ROBO1: variants seen among roughly 807,000 people sequenced by gnomAD.
The protein encoded by ROBO1 is roundabout homolog 1.
A neutral mutation model predicts 195.9 loss-of-function variants in ROBO1; 149 were observed. That is an observed-to-expected ratio of 0.76 (90% CI 0.67 to 0.87). The LOEUF is 0.87. Among genes scored for constraint, ROBO1 ranks in the 40% least tolerant of loss-of-function variants. The pLI is 0.00. For synonymous variants in ROBO1, 816 were observed against 733.2 expected, an observed-to-expected ratio of 1.11 and a Z score of -1.82; for missense variants, 1,933 against 2,068.3, an observed-to-expected ratio of 0.93 and a Z score of 1.27.
At chr3:79,376,063 G>A (rs188809416) in intron 2 of ROBO1, among the ~76,000 whole-genome samples, 1 of 152,090 alleles carries the variant, frequency 6.6e-6, no homozygotes, top group Admixed American at 6.5e-5. Context: ...ACCTAACTAA[G>A]CTTAAATAAC....
chr3:79,123,646 T>A (rs1227739377), intron 3 of ROBO1, among the ~76,000 whole-genome samples: 1 of 151,994 alleles, frequency 6.6e-6, no homozygotes, highest in Non-Finnish European at 1.5e-5. Context: ...ACTAGGTTGT[T>A]AAAGACAGTT....
At chr3:79,685,949 T>C (rs907094796) in intron 1 of ROBO1, among the ~76,000 whole-genome samples, 1 of 152,186 alleles carries the variant, frequency 6.6e-6, no homozygotes, top group African/African-American at 2.4e-5. Flanking sequence ...ATATCCTTGA[T>C]GAAAGCCAAT....
chr3:79,501,722 T>C (rs1047553462), intron 2 of ROBO1, among the ~76,000 whole-genome samples: 2 of 152,188 alleles, frequency 1.3e-5, no homozygotes, highest in African/African-American at 4.8e-5. Context: ...ATCTTCGTAA[T>C]CCCATGATTA....
intron 2 of ROBO1, among the ~76,000 whole-genome samples, chr3:79,127,121 G>A (rs1312796169): frequency 6.6e-6 from 1 of 151,972 alleles, no homozygotes; most frequent in African/African-American, 2.4e-5. Flanking sequence ...CCTTAAAATA[G>A]ATGCTGCAAG....
At chr3:79,077,132 T>G (rs987574706) in intron 3 of ROBO1, among the ~76,000 whole-genome samples, 1 of 151,880 alleles carries the variant, frequency 6.6e-6, no homozygotes, top group Non-Finnish European at 1.5e-5. Context: ...ACGTGAGATA[T>G]CCAGAACTTG....
chr3:79,552,260 A>G (rs908263081), intron 2 of ROBO1, among the ~76,000 whole-genome samples: 10 of 152,062 alleles, frequency 6.6e-5, no homozygotes, highest in Non-Finnish European at 7.4e-5. Context: ...CATTCTGAAT[A>G]TTAACATATT....
At position 78,639,640 on chromosome 3, in the gene ROBO1, C is replaced by T. The variant is rs73850744; in HGVS notation, c.3037+104G>A. 3,691 of 1,135,544 alleles carry T rather than the reference C, an allele frequency of 3.3e-3. 61 individuals carry two copies. In the African/African-American group the frequency reaches 0.043, roughly 13 times the overall value. The allele number at this position is 1,135,544 out of a possible 1,614,324, so 70.3% of individuals were successfully genotyped here. A position where few individuals can be genotyped will look rare whatever the true frequency, so the allele number is the denominator to read the frequency against. The stretch of plus-strand genomic sequence containing the variant: ...ACAATAGTCAGCATTGGATAAAATA[C>T]GGGTCAAATTTTATCTTTCCCATGT... On this transcript the variant is annotated intron_variant, in intron 22 of 30. Coordinates refer to ENST00000464233, the MANE Select transcript of ROBO1 (RefSeq NM_002941.4).
intron 2 of ROBO1, among the ~76,000 whole-genome samples, chr3:79,396,415 G>C (rs1481575746): frequency 6.6e-6 from 1 of 151,822 alleles, no homozygotes; most frequent in East Asian, 1.9e-4. Flanking sequence ...TACTCTAAAA[G>C]GACTGTATGC....
intron 2 of ROBO1, among the ~76,000 whole-genome samples, chr3:79,428,762 C>T (rs1418866415): frequency 6.6e-6 from 1 of 151,460 alleles, no homozygotes; most frequent in Non-Finnish European, 1.5e-5. Flanking sequence ...ATTGTGGTAC[C>T]AACATACAGT....
At position 78,995,034 on chromosome 3, in the gene ROBO1, A is replaced by C. The variant is rs192418460; in HGVS notation, c.173-56107T>G. On this transcript the variant is annotated intron_variant, in intron 3 of 30. Transcript: ENST00000464233. Reference sequence around the variant, plus strand: ...AGATGGAAACTAATGACTGCTATACACTCGAAGCCAGAAGTGTCTATTCTG... The same window carrying C: ...AGATGGAAACTAATGACTGCTATACCCTCGAAGCCAGAAGTGTCTATTCTG... Among the ~76,000 whole-genome samples, 7 of 152,146 alleles carry C rather than the reference A, an allele frequency of 4.6e-5. No individual in the cohort carries two copies. The East Asian group carries it at 1.4e-3, about 29-fold the overall frequency.
At chr3:79,743,272 T>G (rs994398653) in intron 1 of ROBO1, among the ~76,000 whole-genome samples, 1 of 152,240 alleles carries the variant, frequency 6.6e-6, no homozygotes, top group Non-Finnish European at 1.5e-5. Context: ...TACAAAAGGT[T>G]ACTTTACTGA....
At chr3:79,641,054 T>A (rs561782221) in intron 1 of ROBO1, among the ~76,000 whole-genome samples, 1 of 152,218 alleles carries the variant, frequency 6.6e-6, no homozygotes, top group African/African-American at 2.4e-5. Flanking sequence ...TATAGGGAAG[T>A]TGTACTTCCT....
chr3:79,442,672 T>G (rs1009439788), intron 2 of ROBO1, among the ~76,000 whole-genome samples: 6 of 152,008 alleles, frequency 3.9e-5, no homozygotes, highest in Non-Finnish European at 8.8e-5. Flanking sequence ...AATGACTGTT[T>G]AAGGAGATAC....
At chr3:78,919,786 C>A (rs2038835363) in intron 4 of ROBO1, among the ~76,000 whole-genome samples, 2 of 152,150 alleles carry the variant, frequency 1.3e-5, no homozygotes, top group South Asian at 2.1e-4. Flanking sequence ...AAAGAAGAAA[C>A]AACCAACTAG....
chr3:78,837,546 T>C (rs2032846715), intron 4 of ROBO1, among the ~76,000 whole-genome samples: 1 of 152,142 alleles, frequency 6.6e-6, no homozygotes, highest in African/African-American at 2.4e-5. Context: ...TTATTTTTTG[T>C]TATTCTAAAT....
chr3:79,119,540 ATATT>A (rs1434805938), intron 3 of ROBO1, among the ~76,000 whole-genome samples: 2 of 152,158 alleles, frequency 1.3e-5, no homozygotes, highest in Admixed American at 1.3e-4. Context: ...TGACACATTT[ATATT>A]TATTTCCCAG....
chr3:79,346,397 A>G (rs941333261), intron 2 of ROBO1, among the ~76,000 whole-genome samples: 2 of 152,094 alleles, frequency 1.3e-5, no homozygotes, highest in African/African-American at 4.8e-5. Context: ...GTATGTTGGG[A>G]TTTTCTACAT....
intron 4 of ROBO1, among the ~76,000 whole-genome samples, chr3:78,753,527 T>A (rs974426733): frequency 7.9e-5 from 12 of 152,278 alleles, no homozygotes; most frequent in South Asian, 2.1e-4. Context: ...AATTTTTTTT[T>A]AATTTGACTT....
chr3:79,603,310 G>C (rs1354109717), intron 1 of ROBO1, among the ~76,000 whole-genome samples: 36 of 151,954 alleles, frequency 2.4e-4, no homozygotes, highest in Admixed American at 2.4e-3. Flanking sequence ...TGCCAGCCCA[G>C]AGAATTGCTC....
Sources: allele counts gnomAD v4.1 joint callset (sites outside exome capture counted in the v4.1 genomes callset), GRCh38; gene constraint gnomAD v4.1.1; transcripts MANE v1.5; gene names NCBI Gene and HGNC (gene_info 2026-07-23, HGNC 2026-07-21).